Variants in ESR1 observed in about 807,000 individuals in gnomAD.
The protein encoded by ESR1 is estrogen receptor.
In ESR1, 12 loss-of-function variants were observed where a neutral mutation model predicts 52.7. The observed-to-expected ratio is 0.23, with a 90% CI of 0.15 to 0.37. ESR1 has a LOEUF of 0.37. Among genes scored for constraint, ESR1 ranks in the 10% least tolerant of loss-of-function variants. The pLI is 1.00. For synonymous variants in ESR1, 305 were observed against 316.8 expected (o/e 0.96, Z 0.39); for missense variants, 584 against 779.7 (o/e 0.75, Z 2.99).
At chr6:151,855,021 C>T (rs865811707) in intron 2 of ESR1, among the ~76,000 whole-genome samples, 7 of 152,206 alleles carry the variant, frequency 4.6e-5, no homozygotes, top group Non-Finnish European at 8.8e-5. Flanking sequence ...TCAAGCGATT[C>T]TCCTGCCTCA....
At chr6:151,686,064 A>ATTTTTTTTTT (rs557270210), upstream of ESR1, among the ~76,000 whole-genome samples, 436 of 114,302 alleles carry the variant, frequency 3.8e-3, 14 homozygotes, top group African/African-American at 0.018. Flanking sequence ...AATTAAAACA[A>ATTTTTTTTTT]TTTTTTTTTT....
intron 1 of ESR1, among the ~76,000 whole-genome samples, chr6:151,834,108 A>T (rs1020937696): frequency 6.6e-5 from 10 of 152,176 alleles, no homozygotes; most frequent in Admixed American, 1.3e-4. Flanking sequence ...TGGGAGTGTA[A>T]ATTAGTTCAG....
At chr6:151,809,110 TA>T in intron 1 of ESR1, 1 of 382,120 alleles carries the variant, frequency 2.6e-6, no homozygotes, top group Non-Finnish European at 5.5e-6. Context: ...CACAAGTGCT[TA>T]AAAATAATCT....
chr6:152,058,108 A>G lies in ESR1; in HGVS notation c.1236-2883A>G, dbSNP rs560424029. On this transcript the variant is annotated intron_variant, in intron 5 of 7. Transcript: ENST00000206249. ...ACAGAGACGTTATACTGAGAAAGGA[A>G]CATTTCTCTATTTTGGCTATGAGTT... 2.6e-5 allele frequency among the ~76,000 whole-genome samples: 4 copies of G among 152,296 alleles called. No individual in the cohort carries two copies. In the East Asian group the frequency reaches 7.7e-4, roughly 29 times the overall value.
At chr6:151,884,766 G>T (rs1177712384) in intron 3 of ESR1, among the ~76,000 whole-genome samples, 2 of 152,136 alleles carry the variant, frequency 1.3e-5, no homozygotes, top group East Asian at 3.9e-4. Flanking sequence ...TACATGTGCT[G>T]GTTTCTCTGC....
chr6:151,997,321 T>C (rs1413632901), intron 4 of ESR1, among the ~76,000 whole-genome samples: 1 of 152,160 alleles, frequency 6.6e-6, no homozygotes, highest in Admixed American at 6.5e-5. Context: ...AAAGATCCTA[T>C]AGTAGATCCT....
chr6:152,013,452 A>C (rs2042936366), intron 5 of ESR1, among the ~76,000 whole-genome samples: 1 of 152,016 alleles, frequency 6.6e-6, no homozygotes. Context: ...TTCTTTTTTA[A>C]AATTTAATTC....
At chr6:152,122,340 C>G in intron 6 of ESR1, 1 of 1,603,652 alleles carries the variant, frequency 6.2e-7, no homozygotes, top group South Asian at 1.1e-5. Context: ...CGAGGGCTTT[C>G]GCCAAGATCA....
intron 4 of ESR1, among the ~76,000 whole-genome samples, chr6:151,947,990 T>C (rs1427904624): frequency 6.6e-6 from 1 of 152,202 alleles, no homozygotes; most frequent in Non-Finnish European, 1.5e-5. Flanking sequence ...GCCTTATCCC[T>C]GGGTAGAAAT....
intron 5 of ESR1, among the ~76,000 whole-genome samples, chr6:152,039,467 T>A (rs2045602926): frequency 1.3e-5 from 2 of 152,244 alleles, no homozygotes; most frequent in South Asian, 4.2e-4. Flanking sequence ...GAGCCCGAGA[T>A]TGCAATCTTA....
Position 151,790,252 on chromosome 6 carries a change from C to T in ESR1, c.-70-17591C>T, listed in dbSNP as rs117625569. On this transcript the variant is annotated intron_variant, in intron 2 of 2. Transcript: ENST00000404742. ...GGCCCACATGAGCTCCATTTTCCTCCGCAAACTTTGGGTGCACAGCCCCAC... is the reference window on the plus strand; with the variant it reads ...GGCCCACATGAGCTCCATTTTCCTCTGCAAACTTTGGGTGCACAGCCCCAC... Among the ~76,000 whole-genome samples, 28 of 152,312 alleles carry T rather than the reference C, an allele frequency of 1.8e-4. No homozygotes were observed. The East Asian group carries it at 2.7e-3, about 15-fold the overall frequency.
intron 2 of ESR1, among the ~76,000 whole-genome samples, chr6:151,791,416 T>C (rs1211933031): frequency 6.6e-6 from 1 of 152,230 alleles, no homozygotes; most frequent in Non-Finnish European, 1.5e-5. Flanking sequence ...GCTCTTCCTT[T>C]GTCTTCTGCC....
chr6:152,107,055 A>G (rs1263339043), downstream of ESR1, among the ~76,000 whole-genome samples: 2 of 152,196 alleles, frequency 1.3e-5, no homozygotes, highest in African/African-American at 4.8e-5. Context: ...CAGTATGACT[A>G]TAATGTGTTT....
chr6:152,098,665 G>A lies in ESR1; in HGVS notation c.1554-67G>A. On this transcript the variant is annotated intron_variant, in intron 7 of 7. Transcript: ENST00000206249. The surrounding 1 kb of genome is among the most constrained non-coding windows in gnomAD (Gnocchi z 5.1). ...GAGTTCCTCTTCCTTCCCCTTCTAG[G>A]GATTTCAGCACTCCTGGGGCTCGGG... 1.6e-6 allele frequency: 2 copies of A among 1,286,094 alleles called. No homozygotes were observed. The highest frequency in any genetic ancestry group is 1.5e-5 in the African/African-American group (1 of 68,504). 79.7% of individuals were successfully genotyped at this position (1,286,094 alleles called of 1,614,324 possible).
At chr6:152,001,833 T>C (rs1247670107) in intron 4 of ESR1, among the ~76,000 whole-genome samples, 1 of 151,948 alleles carries the variant, frequency 6.6e-6, no homozygotes, top group African/African-American at 2.4e-5. Context: ...GGAATGAATA[T>C]GGGAGATAGG....
At chr6:151,899,306 C>A (rs1381939097) in intron 3 of ESR1, among the ~76,000 whole-genome samples, 5 of 126,860 alleles carry the variant, frequency 3.9e-5, no homozygotes, top group Non-Finnish European at 6.7e-5. Flanking sequence ...GGGGGCTGAC[C>A]CCCCCACCTC....
intron 7 of ESR1, among the ~76,000 whole-genome samples, chr6:152,095,308 T>C (rs2050518695): frequency 6.6e-6 from 1 of 152,246 alleles, no homozygotes; most frequent in Admixed American, 6.5e-5. Context: ...GACTTCCTCA[T>C]GTCTGAGCTC....
intron 2 of ESR1, among the ~76,000 whole-genome samples, chr6:151,850,638 C>T (rs956135367): frequency 1.3e-5 from 2 of 152,084 alleles, no homozygotes; most frequent in African/African-American, 4.8e-5. Context: ...CTCAGTGACT[C>T]CCCTGTGTTT....
At chr6:151,932,807 A>G (rs1241009777) in intron 3 of ESR1, among the ~76,000 whole-genome samples, 2 of 148,084 alleles carry the variant, frequency 1.4e-5, no homozygotes, top group African/African-American at 2.5e-5. Flanking sequence ...TGTTCCATTG[A>G]TCTATATCTC....
Sources: gnomAD v4.1 joint callset for allele counts (sites outside exome capture counted in the v4.1 genomes callset) on GRCh38, gnomAD v4.1.1 for gene constraint, Gnocchi (gnomAD v3.1) non-coding constraint, MANE v1.5 for transcripts, NCBI Gene and HGNC (gene_info 2026-07-23, HGNC 2026-07-21) for gene names.